MFHAS1: variants seen among roughly 807,000 people sequenced by gnomAD.
MFHAS1 encodes the protein malignant fibrous histiocytoma-amplified sequence 1.
MFHAS1 carries 50 observed loss-of-function variants against 70.4 expected under a neutral mutation model. That is an observed-to-expected ratio of 0.71 (90% CI 0.57 to 0.90). MFHAS1 has a LOEUF of 0.90. MFHAS1 is among the 40% of genes least tolerant of loss of function. MFHAS1 has a pLI of 0.00. For missense variants in MFHAS1, 1,795 were observed against 1,347.6 expected (o/e 1.33, Z -5.20); for synonymous variants, 952 against 620.0 (o/e 1.54, Z -7.96).
At chr8:8,881,374 C>A (rs964914108) in intron 1 of MFHAS1, among the ~76,000 whole-genome samples, 1 of 152,224 alleles carries the variant, frequency 6.6e-6, no homozygotes, top group Non-Finnish European at 1.5e-5. Context: ...AGTACACATG[C>A]AATCATCTCT....
chr8:8,837,221 T>C (rs557560426), intron 1 of MFHAS1, among the ~76,000 whole-genome samples: 1 of 152,354 alleles, frequency 6.6e-6, no homozygotes, highest in East Asian at 1.9e-4. Flanking sequence ...AAGATCTTTA[T>C]ATATTCTTAG....
chr8:8,850,467 C>T (rs1808201853), intron 1 of MFHAS1, among the ~76,000 whole-genome samples: 1 of 152,326 alleles, frequency 6.6e-6, no homozygotes, highest in South Asian at 2.1e-4. Context: ...TTTCATCCAG[C>T]TTCTCATTTT....
chr8:8,872,319 C>T (rs149531353), intron 1 of MFHAS1, among the ~76,000 whole-genome samples: 1 of 152,248 alleles, frequency 6.6e-6, no homozygotes, highest in African/African-American at 2.4e-5. Context: ...CGATGGAAAT[C>T]CCCCCATGAA....
At chr8:8,838,542 T>C (rs1011983864) in intron 1 of MFHAS1, among the ~76,000 whole-genome samples, 2 of 152,148 alleles carry the variant, frequency 1.3e-5, no homozygotes, top group South Asian at 2.1e-4. Context: ...GCTGGGCACG[T>C]TGGCTCATGC....
At chr8:8,871,630 C>G (rs551106118) in intron 1 of MFHAS1, among the ~76,000 whole-genome samples, 7 of 152,274 alleles carry the variant, frequency 4.6e-5, no homozygotes, top group African/African-American at 1.4e-4. Flanking sequence ...ACTCTGATAG[C>G]AGGTGTAAAT....
chr8:8,847,203 C>T (rs935471094), intron 1 of MFHAS1, among the ~76,000 whole-genome samples: 1 of 152,054 alleles, frequency 6.6e-6, no homozygotes, highest in African/African-American at 2.4e-5. Context: ...TCTTTTGAGA[C>T]AGAGTTTTGC....
At chr8:8,835,296 A>G (rs1005959472) in intron 1 of MFHAS1, among the ~76,000 whole-genome samples, 6 of 152,356 alleles carry the variant, frequency 3.9e-5, no homozygotes, top group African/African-American at 1.4e-4. Context: ...TTATACCTTA[A>G]TAAAGTTTAT....
rs12675026 is a variant in MFHAS1, at chr8:8,794,388, C to T, written c.3125+2977G>A. On this transcript the variant is annotated intron_variant, in intron 2 of 2. Transcript: ENST00000276282. ...TCCTAACCGATCCCCCCAAATCTCC[C>T]GCTTCCAATCCACTGTCAACCACCC... 2.1e-3 allele frequency among the ~76,000 whole-genome samples: 319 copies of T among 152,238 alleles called. 1 individual carries two copies. The highest frequency in any genetic ancestry group is 0.011 in the East Asian group (58 of 5,176).
In MFHAS1 at chr8:8,784,542, G is replaced by C. The variant is rs1405523270; in HGVS notation, c.*1480C>G. 2 of 152,184 alleles carry C rather than the reference G, an allele frequency of 1.3e-5. No homozygotes were observed. Among genetic ancestry groups the C allele is most frequent in the African/African-American group, 4.8e-5 (2 of 41,446 alleles). The allele number at this position is 152,184 out of a possible 1,614,324, so 9.4% of individuals were successfully genotyped here. ...CAAAATATTCTACAAAAATCGGTTT[G>C]TGATTTCTAGCAGGGCAGTCGCTTG... is the stretch of plus-strand genomic sequence containing the variant. On this transcript the variant is annotated 3_prime_UTR_variant, in exon 3 of 3. Transcript: ENST00000276282.
At chr8:8,810,880 G>A (rs1368744859) in intron 1 of MFHAS1, among the ~76,000 whole-genome samples, 2 of 152,176 alleles carry the variant, frequency 1.3e-5, no homozygotes, top group Non-Finnish European at 2.9e-5. Context: ...GGAAGGGGAG[G>A]AAGGAGAAGG....
intron 1 of MFHAS1, among the ~76,000 whole-genome samples, chr8:8,824,510 T>G (rs1203710443): frequency 9.3e-6 from 1 of 107,384 alleles, no homozygotes; most frequent in African/African-American, 3.7e-5. Context: ...GTCTTTCTCT[T>G]TCTCTCTCTT....
chr8:8,881,960 G>A (rs1809542716), intron 1 of MFHAS1, among the ~76,000 whole-genome samples: 1 of 152,146 alleles, frequency 6.6e-6, no homozygotes, highest in Admixed American at 6.6e-5. Flanking sequence ...CTGCTGCTAA[G>A]TGCCCCTTGC....
At position 8,892,714 on chromosome 8, in the gene MFHAS1, C is replaced by T. The variant is rs1451391855; in HGVS notation, c.345G>A (p.Glu115=). Residue 115 remains glutamate, a synonymous_variant, in exon 1 of 3, where the codon GAG becomes GAA. Transcript: ENST00000276282. The surrounding 1 kb of genome is among the most constrained non-coding windows in gnomAD (Gnocchi z 4.7). Reference sequence around the variant, plus strand: ...TCAGCCGGTTGTGGCTCACGTCCAGCTCGGTGAGGTGGTGGCCGAGCTCGG... The same window carrying T: ...TCAGCCGGTTGTGGCTCACGTCCAGTTCGGTGAGGTGGTGGCCGAGCTCGG... The part of the protein sequence containing the change: ...AVAELGHHLT[E]LDVSHNRLTA... The T allele has an allele frequency of 1.3e-6, 2 of 1,552,550 alleles. No homozygotes were observed. Among genetic ancestry groups the T allele is most frequent in the Non-Finnish European group, 1.7e-6 (2 of 1,148,260 alleles).
rs55756300 is a variant in MFHAS1 at position 8,796,688 on chromosome 8, C to CAAAAAAAAAAAAAAA, written c.3125+662_3125+676dup. ...GACAGAGCAAGACTCCGTCTCAAAA[C>CAAAAAAAAAAAAAAA]AAAAAAAAAAAAAAAGGCAAAAAAA... On this transcript the variant is annotated intron_variant, in intron 2 of 2. Transcript: ENST00000276282. 1.6e-4 allele frequency among the ~76,000 whole-genome samples: 4 copies of CAAAAAAAAAAAAAAA among 24,774 alleles called. 1 individual carries two copies. Among genetic ancestry groups the CAAAAAAAAAAAAAAA allele is most frequent in the African/African-American group, 5.1e-4 (3 of 5,874 alleles). 16.3% of individuals were successfully genotyped at this position (24,774 alleles called of 152,430 possible).
intron 1 of MFHAS1, among the ~76,000 whole-genome samples, chr8:8,824,797 G>C (rs878529): frequency 0.014 from 2,074 of 152,298 alleles, 33 homozygotes; most frequent in African/African-American, 0.047. Context: ...AAAGAAAATA[G>C]ATTAGAGAAC....
chr8:8,795,009 C>T (rs147138272), intron 2 of MFHAS1, among the ~76,000 whole-genome samples: 4 of 152,168 alleles, frequency 2.6e-5, no homozygotes, highest in Admixed American at 6.5e-5. Flanking sequence ...AGGTTTCTAG[C>T]GCAAATGGAT....
At position 8,785,166 on chromosome 8, in the gene MFHAS1, T is replaced by C. The variant is rs1805493581; in HGVS notation, c.*856A>G. The C allele has an allele frequency of 6.6e-6, 1 of 152,186 alleles. No homozygotes were observed. Among genetic ancestry groups the C allele is most frequent in the Non-Finnish European group, 1.5e-5 (1 of 68,048 alleles). 9.4% of individuals were successfully genotyped at this position (152,186 alleles called of 1,614,324 possible). A position where few individuals can be genotyped will look rare whatever the true frequency, so the allele number is the denominator to read the frequency against. ...AAAAGACTCAAGTTTTGCATGGACT[T>C]TTTGTCCTCTTTGGCCCCTGAGTGT... On this transcript the variant is annotated 3_prime_UTR_variant, in exon 3 of 3. Coordinates refer to ENST00000276282, the MANE Select transcript of MFHAS1 (RefSeq NM_004225.3).
chr8:8,788,574 G>C (rs1172155317), intron 2 of MFHAS1, among the ~76,000 whole-genome samples: 4 of 152,202 alleles, frequency 2.6e-5, no homozygotes, highest in Non-Finnish European at 5.9e-5. Flanking sequence ...AGCTACTCGG[G>C]GGGCTGAGGC....
At chr8:8,872,798 G>A (rs1470138823) in intron 1 of MFHAS1, among the ~76,000 whole-genome samples, 1 of 152,152 alleles carries the variant, frequency 6.6e-6, no homozygotes, top group Non-Finnish European at 1.5e-5. Flanking sequence ...AAAAAGATGG[G>A]AACAATACAG....
Sources: allele counts gnomAD v4.1 joint callset (sites outside exome capture counted in the v4.1 genomes callset), GRCh38; gene constraint gnomAD v4.1.1; non-coding constraint Gnocchi (gnomAD v3.1); transcripts MANE v1.5; gene names NCBI Gene and HGNC (gene_info 2026-07-23, HGNC 2026-07-21).